The following SCAF11 variants were observed in gnomAD, a reference collection of about 807,000 sequenced individuals.
SCAF11 encodes the protein SR-related CTD associated factor 11.
SCAF11 carries 47 observed loss-of-function variants against 140.5 expected under a neutral mutation model. The ratio of observed to expected loss-of-function variants is 0.33; its 90% CI spans 0.26 to 0.43. The LOEUF is 0.43. Ranked by LOEUF, SCAF11 falls within the 20% of genes least tolerant of loss-of-function variation. The probability of loss-of-function intolerance (pLI) is 1.00; values close to 1 mark genes in which losing one functional copy is unlikely to be tolerated. For synonymous variants in SCAF11, 557 were observed against 579.4 expected, an observed-to-expected ratio of 0.96 and a Z score of 0.55; for missense variants, 1,645 against 1,705.1, an observed-to-expected ratio of 0.96 and a Z score of 0.62.
intron 10 of SCAF11, chr12:45,930,853 CTATT>C (rs554846980): frequency 1.3e-5 from 2 of 151,966 alleles, no homozygotes; most frequent in East Asian, 3.9e-4. Flanking sequence ...ATTTTTTTCA[CTATT>C]TATAGGTTAT....
chr12:45,987,111 AGCACTTTG>A (rs1946475542), intron 1 of SCAF11, among the ~76,000 whole-genome samples: 1 of 152,222 alleles, frequency 6.6e-6, no homozygotes, highest in African/African-American at 2.4e-5. Context: ...CTGTAATCCC[AGCACTTTG>A]GGAGGCCAAG....
At chr12:45,990,595 A>C, upstream of SCAF11, 2 of 1,228,190 alleles carry the variant, frequency 1.6e-6, no homozygotes, top group Non-Finnish European at 2.0e-6. Context: ...CGCCTTGTCT[A>C]GCCTCCTCCC....
At position 45,921,842 on chromosome 12, in the gene SCAF11, G is replaced by C; in HGVS notation, c.*206C>G. 2 of 532,962 alleles carry C rather than the reference G, an allele frequency of 3.8e-6. No individual in the cohort carries two copies. The highest frequency in any genetic ancestry group is 6.5e-6 in the Non-Finnish European group (2 of 307,688). 33.0% of individuals were successfully genotyped at this position (532,962 alleles called of 1,614,324 possible). On this transcript the variant is annotated 3_prime_UTR_variant, in exon 15 of 15. Coordinates refer to ENST00000369367, the MANE Select transcript of SCAF11 (RefSeq NM_004719.3). ...CCCTTTACTTTCCCTTGAATTTTGT[G>C]GGGGAGGGTGGAGGGGAAGGAAGGA...
chr12:45,965,910 C>T (rs1282927675), intron 1 of SCAF11, among the ~76,000 whole-genome samples: 1 of 152,126 alleles, frequency 6.6e-6, no homozygotes, highest in Non-Finnish European at 1.5e-5. Context: ...AACTTAGTAG[C>T]ATATGTAAGA....
chr12:45,941,306 T>C (rs1424956034), intron 6 of SCAF11, among the ~76,000 whole-genome samples: 1 of 152,212 alleles, frequency 6.6e-6, no homozygotes, highest in Non-Finnish European at 1.5e-5. Context: ...AAAAATTGTA[T>C]ATATTTAAGG....
At chr12:45,943,430 G>C (rs761715226) in intron 6 of SCAF11, among the ~76,000 whole-genome samples, 16 of 152,140 alleles carry the variant, frequency 1.1e-4, no homozygotes, top group Non-Finnish European at 2.1e-4. Context: ...AATTTTGAGA[G>C]AGCCCACGCT....
chr12:45,929,078 CA>C, intron 10 of SCAF11: 1 of 316,030 alleles, frequency 3.2e-6, no homozygotes, highest in Non-Finnish European at 5.6e-6. Flanking sequence ...AGATTTGGTC[CA>C]AATGGGCAAT....
upstream of SCAF11, chr12:45,991,742 C>G (rs1946616683): frequency 2.3e-6 from 1 of 433,046 alleles, no homozygotes. Context: ...TTTCTCTTCT[C>G]GTCGACTGCA....
intron 1 of SCAF11, among the ~76,000 whole-genome samples, chr12:45,972,221 A>G (rs1259425615): frequency 6.6e-6 from 1 of 152,210 alleles, no homozygotes; most frequent in Non-Finnish European, 1.5e-5. Flanking sequence ...TTAAAAAACT[A>G]CAACCTACAG....
chr12:45,972,972 A>C (rs1946140007), intron 1 of SCAF11, among the ~76,000 whole-genome samples: 2 of 136,648 alleles, frequency 1.5e-5, no homozygotes, highest in African/African-American at 5.9e-5. Flanking sequence ...ATATATATAG[A>C]TATATAGATA....
chr12:45,933,096 T>C (rs774468331), intron 9 of SCAF11, 35 bp downstream of exon 9: 1 of 1,389,136 alleles, frequency 7.2e-7, no homozygotes, highest in Non-Finnish European at 1.0e-6. Context: ...CATGTTAGCA[T>C]GTAAACACCT....
chr12:45,923,856 A>AT (rs1030029259), intron 12 of SCAF11, among the ~76,000 whole-genome samples: 94 of 144,938 alleles, frequency 6.5e-4, no homozygotes, highest in African/African-American at 1.4e-3. Flanking sequence ...TAATTTTTGT[A>AT]TTTTTTTTTT....
intron 6 of SCAF11, among the ~76,000 whole-genome samples, chr12:45,941,362 C>G (rs1225460298): frequency 6.6e-6 from 1 of 152,120 alleles, no homozygotes; most frequent in Non-Finnish European, 1.5e-5. Flanking sequence ...TGAAAATAAT[C>G]ACCACAAACC....
In SCAF11 at chr12:45,931,602, T is replaced by G. The variant is rs372526940; in HGVS notation, c.745A>C (p.Ile249Leu). ...ACTTCTGTTTCAACATTCCAGGGTA[T>G]AAAACCAATTCTGAAAACATAATAA... Reference protein sequence around the residue: ...TLPGIGRIGFIPWNVETEVLP... With the variant: ...TLPGIGRIGFLPWNVETEVLP... The change falls in exon 10 of 15, where the codon ATA (isoleucine) becomes CTA (leucine). Residue 249 changes from isoleucine (I) to leucine (L), a missense_variant. This residue lies in a region of SCAF11 where 1,582 missense variants were observed against 1,609.2 expected (regional missense o/e 0.98). Coordinates refer to ENST00000369367, the MANE Select transcript of SCAF11 (RefSeq NM_004719.3). 23 of 1,504,976 alleles carry G rather than the reference T, an allele frequency of 1.5e-5. No homozygotes were observed. In the African/African-American group the frequency reaches 2.8e-4, roughly 18 times the overall value. The allele number at this position is 1,504,976 out of a possible 1,614,324, so 93.2% of individuals were successfully genotyped here. A position where few individuals can be genotyped will look rare whatever the true frequency, so the allele number is the denominator to read the frequency against.
chr12:45,934,157 A>G lies in SCAF11; in HGVS notation c.632+19T>C, dbSNP rs1413279938. The G allele has an allele frequency of 8.5e-6, 11 of 1,297,750 alleles. No homozygotes were observed. Among genetic ancestry groups the G allele is most frequent in the Non-Finnish European group, 1.2e-5 (11 of 921,688 alleles). 80.4% of individuals were successfully genotyped at this position (1,297,750 alleles called of 1,614,324 possible). On this transcript the variant is annotated intron_variant, in intron 8 of 14. Coordinates refer to ENST00000369367, the MANE Select transcript of SCAF11 (RefSeq NM_004719.3). Reference sequence around the variant, plus strand: ...ACATCAAGTATAAACAGCATAAATTAAAAGTAGAAAATACTAACCAATAAG... The same window carrying G: ...ACATCAAGTATAAACAGCATAAATTGAAAGTAGAAAATACTAACCAATAAG...
chr12:45,970,999 A>T (rs1381097035), intron 1 of SCAF11, among the ~76,000 whole-genome samples: 1 of 152,226 alleles, frequency 6.6e-6, no homozygotes, highest in Admixed American at 6.5e-5. Flanking sequence ...AGTAAAATGA[A>T]TAAAGAATAA....
At chr12:45,986,171 T>G (rs1027206424) in intron 1 of SCAF11, among the ~76,000 whole-genome samples, 3 of 152,198 alleles carry the variant, frequency 2.0e-5, no homozygotes, top group African/African-American at 4.8e-5. Flanking sequence ...GATTCCAGTT[T>G]TCCATTTACA....
At chr12:45,980,941 T>A (rs879335904) in intron 1 of SCAF11, among the ~76,000 whole-genome samples, 4 of 152,202 alleles carry the variant, frequency 2.6e-5, no homozygotes, top group Non-Finnish European at 4.4e-5. Context: ...GTTATCAATG[T>A]CTTAGGACAT....
At chr12:45,969,038 C>T (rs916974500) in intron 1 of SCAF11, among the ~76,000 whole-genome samples, 1 of 152,314 alleles carries the variant, frequency 6.6e-6, no homozygotes, top group African/African-American at 2.4e-5. Flanking sequence ...CAAGTGTGGA[C>T]AGTGCATGTG....
Sources: allele counts gnomAD v4.1 joint callset (sites outside exome capture counted in the v4.1 genomes callset), GRCh38; gene constraint gnomAD v4.1.1; regional missense constraint gnomAD v4.1.1; transcripts MANE v1.5; gene names NCBI Gene and HGNC (gene_info 2026-07-23, HGNC 2026-07-21).